The following MOCS2 variants were observed in gnomAD, a reference collection of about 807,000 sequenced individuals.
The protein encoded by MOCS2 is molybdopterin synthase catalytic subunit.
In MOCS2, 13 loss-of-function variants were observed where a neutral mutation model predicts 21.9. The observed-to-expected ratio is 0.59, with a 90% CI of 0.39 to 0.94. The LOEUF (loss-of-function observed/expected upper bound fraction) is 0.94. Among genes scored for constraint, MOCS2 ranks in the 40% least tolerant of loss-of-function variants. The probability of loss-of-function intolerance (pLI) is 0.00; values close to 1 mark genes in which losing one functional copy is unlikely to be tolerated. For missense variants in MOCS2, 227 were observed against 218.3 expected, an observed-to-expected ratio of 1.04 and a Z score of -0.25; for synonymous variants, 92 against 80.8, an observed-to-expected ratio of 1.14 and a Z score of -0.74.
chr5:53,109,441 G>A lies in MOCS2; in HGVS notation c.-360C>T, dbSNP rs576049243. ...AGAGGTGGTCATAAAAGGTGGAGGC[G>A]CCTTCAGAACGAGTCCGTCCTTGCT... is the stretch of plus-strand genomic sequence containing the variant. On this transcript the variant is annotated 5_prime_UTR_variant, in exon 1 of 7. Transcript: ENST00000396954. 320 of 1,260,448 alleles carry A rather than the reference G, an allele frequency of 2.5e-4. No homozygotes were observed. The highest frequency in any genetic ancestry group is 3.0e-4 in the Non-Finnish European group (302 of 1,003,640). The allele number at this position is 1,260,448 out of a possible 1,614,324, so 78.1% of individuals were successfully genotyped here. A position where few individuals can be genotyped will look rare whatever the true frequency, so the allele number is the denominator to read the frequency against.
intron 5 of MOCS2, chr5:53,101,024 T>A (rs1488219091): frequency 5.4e-6 from 2 of 370,350 alleles, no homozygotes; most frequent in Non-Finnish European, 9.8e-6. Flanking sequence ...CCAAGAACTC[T>A]TCTCTTTTTA....
intron 6 of MOCS2, among the ~76,000 whole-genome samples, chr5:53,099,537 C>G (rs1740849685): frequency 6.7e-6 from 1 of 150,074 alleles, no homozygotes; most frequent in Non-Finnish European, 1.5e-5. Flanking sequence ...ATATTCTATC[C>G]TCTAATCCCT....
At chr5:53,101,303 G>A in intron 5 of MOCS2, 56 bp downstream of exon 5, 5 of 1,504,140 alleles carry the variant, frequency 3.3e-6, no homozygotes, top group Non-Finnish European at 3.7e-6. Flanking sequence ...ATCAGAGTTA[G>A]TACAAAGATG....
intron 6 of MOCS2, 64 bp downstream of exon 6, chr5:53,100,347 T>G (rs761743975): frequency 6.3e-6 from 10 of 1,584,876 alleles, no homozygotes; most frequent in Non-Finnish European, 8.7e-6. Flanking sequence ...ATGGGGGGAT[T>G]TATCTAAAAA....
chr5:53,108,054 T>C, intron 2 of MOCS2: 1 of 153,198 alleles, frequency 6.5e-6, no homozygotes, highest in Admixed American at 6.5e-5. Context: ...AAATTATAGG[T>C]TTTTCAAGAA....
intron 4 of MOCS2, 110 bp downstream of exon 4, chr5:53,101,987 T>C (rs1257380911): frequency 1.7e-6 from 2 of 1,152,138 alleles, no homozygotes; most frequent in African/African-American, 3.1e-5. Context: ...TCGGTAATCT[T>C]GGTTTAAAGT....
In MOCS2 at chr5:53,096,790, GA is replaced by G. The variant is rs1740749785; in HGVS notation, c.*1811del. 6.6e-6 allele frequency: 1 copy of G among 152,172 alleles called. No individual in the cohort carries two copies. 9.4% of individuals were successfully genotyped at this position (152,172 alleles called of 1,614,324 possible). A position where few individuals can be genotyped will look rare whatever the true frequency, so the allele number is the denominator to read the frequency against. ...AAACTTAGAATAAAGCCTACTTAAT[GA>G]AGGCATGATTCTTTTAAAACATAAA... On this transcript the variant is annotated 3_prime_UTR_variant, in exon 7 of 7. Coordinates refer to ENST00000396954, the MANE Select transcript of MOCS2 (RefSeq NM_004531.5).
intron 2 of MOCS2, 45 bp from the exon 3 acceptor site, chr5:53,107,266 A>C (rs779598294): frequency 2.1e-5 from 32 of 1,556,934 alleles, no homozygotes; most frequent in Non-Finnish European, 2.8e-5. Context: ...GCTATGATAG[A>C]CCTCAAATCG....
chr5:53,101,967 C>A, intron 4 of MOCS2, 130 bp downstream of exon 4: 2 of 931,588 alleles, frequency 2.1e-6, no homozygotes, highest in Admixed American at 2.2e-5. Flanking sequence ...AAAAAGTCTA[C>A]CCACCATCAT....
At chr5:53,102,712 C>T (rs144289124) in intron 3 of MOCS2, among the ~76,000 whole-genome samples, 52 of 152,068 alleles carry the variant, frequency 3.4e-4, no homozygotes, top group South Asian at 1.0e-3. Context: ...TTTGGGAGGC[C>T]GAGGCGGGTG....
Position 53,108,669 on chromosome 5 carries a change from TAAC to T in MOCS2, c.-169-29_-169-27del, listed in dbSNP as rs778854922. ...CTGAAAGTAAAGAAAATGCTTTTAATAACAACTCATACTCGTTTTCTGACTGTC... is the reference window on the plus strand; with the variant it reads ...CTGAAAGTAAAGAAAATGCTTTTAATAACTCATACTCGTTTTCTGACTGTC... On this transcript the variant is annotated intron_variant, in intron 1 of 6. Coordinates refer to ENST00000396954, the MANE Select transcript of MOCS2 (RefSeq NM_004531.5). 18 of 1,609,356 alleles carry T rather than the reference TAAC, an allele frequency of 1.1e-5. No individual in the cohort carries two copies. In the African/African-American group the frequency reaches 2.1e-4, roughly 19 times the overall value.
At chr5:53,106,552 G>A (rs1270595266) in intron 3 of MOCS2, among the ~76,000 whole-genome samples, 1 of 152,192 alleles carries the variant, frequency 6.6e-6, no homozygotes, top group Non-Finnish European at 1.5e-5. Flanking sequence ...CTACTTGAGG[G>A]TGGAGGGTGG....
chr5:53,108,759 A>G, intron 1 of MOCS2, 116 bp from the exon 2 acceptor site: 2 of 1,076,722 alleles, frequency 1.9e-6, no homozygotes, highest in Non-Finnish European at 2.6e-6. Flanking sequence ...AATTTTATAA[A>G]GAAAATTAAA....
chr5:53,099,230 T>C (rs1471885371), intron 6 of MOCS2, among the ~76,000 whole-genome samples: 1 of 152,188 alleles, frequency 6.6e-6, no homozygotes, highest in African/African-American at 2.4e-5. Context: ...GGACTCTCTA[T>C]GGACAAACAA....
In MOCS2 at chr5:53,102,215, C is replaced by T. The variant is rs140563222; in HGVS notation, c.108G>A (p.Met36Ile). ...CTTTAGATTTCTCTTCAACTTCATC[C>T]ATATCTTTCCTAGAAATAATACATT... ...DSAFEPSRKDMDEVEEKSKDV... is the reference protein window; with the variant it reads ...DSAFEPSRKDIDEVEEKSKDV... The change falls in exon 4 of 7, where the codon ATG becomes ATA. Residue 36 changes from methionine to isoleucine, a missense_variant. Coordinates refer to ENST00000396954, the MANE Select transcript of MOCS2 (RefSeq NM_004531.5). The T allele has an allele frequency of 9.5e-4, 1,524 of 1,611,770 alleles. 2 individuals carry two copies. The highest frequency in any genetic ancestry group is 1.2e-3 in the Non-Finnish European group (1,410 of 1,178,318).
chr5:53,104,450 C>G (rs1740998597), intron 3 of MOCS2, among the ~76,000 whole-genome samples: 1 of 152,142 alleles, frequency 6.6e-6, no homozygotes, highest in African/African-American at 2.4e-5. Flanking sequence ...CTGTAATTAC[C>G]ACAAATATCC....
In MOCS2 at chr5:53,097,641, G is replaced by GGACT. The variant is rs1579929772; in HGVS notation, c.*957_*960dup. 6.6e-6 allele frequency: 1 copy of GGACT among 152,064 alleles called. No homozygotes were observed. The highest frequency in any genetic ancestry group is 1.9e-4 in the East Asian group (1 of 5,192). The allele number at this position is 152,064 out of a possible 1,614,324, so 9.4% of individuals were successfully genotyped here. A position where few individuals can be genotyped will look rare whatever the true frequency, so the allele number is the denominator to read the frequency against. On this transcript the variant is annotated 3_prime_UTR_variant, in exon 7 of 7. Coordinates refer to ENST00000396954, the MANE Select transcript of MOCS2 (RefSeq NM_004531.5). ...AAATATTCTCACCACACAGAAGAGG[G>GGACT]GACTATGTGAGCTGAGGAATATGTT...
Position 53,102,081 on chromosome 5 carries a change from G to T in MOCS2, c.226+16C>A, listed in dbSNP as rs755677377. On this transcript the variant is annotated intron_variant, in intron 4 of 6. Transcript: ENST00000396954. ...TGTCTTATACAGTGATAGATGCAAT[G>T]AAAATTACAACTCACCTACAAATAG... is the stretch of plus-strand genomic sequence containing the variant. 1 of 1,612,146 alleles carries T rather than the reference G, an allele frequency of 6.2e-7. No individual in the cohort carries two copies. Among genetic ancestry groups the T allele is most frequent in the Middle Eastern group, 1.7e-4 (1 of 6,058 alleles).
chr5:53,108,442 T>G, intron 2 of MOCS2, 80 bp downstream of exon 2: 1 of 1,343,500 alleles, frequency 7.4e-7, no homozygotes, highest in African/African-American at 1.5e-5. Flanking sequence ...AAATCGAAAT[T>G]AACCTTTTTA....
Sources: gnomAD v4.1 joint callset for allele counts (sites outside exome capture counted in the v4.1 genomes callset) on GRCh38, gnomAD v4.1.1 for gene constraint, MANE v1.5 for transcripts, NCBI Gene and HGNC (gene_info 2026-07-23, HGNC 2026-07-21) for gene names.